SDK2: variants seen among roughly 807,000 people sequenced by gnomAD.
The protein encoded by SDK2 is sidekick cell adhesion molecule 2.
SDK2 carries 105 observed loss-of-function variants against 253.9 expected under a neutral mutation model. The ratio of observed to expected loss-of-function variants is 0.41; its 90% CI spans 0.35 to 0.49. SDK2 has a LOEUF of 0.49. SDK2 is among the 20% of genes least tolerant of loss of function. The pLI, the probability that SDK2 is intolerant of heterozygous loss-of-function variation, is 0.06. For synonymous variants in SDK2, 1,249 were observed against 1,234.9 expected, an observed-to-expected ratio of 1.01 and a Z score of -0.24; for missense variants, 2,608 against 3,003.0, an observed-to-expected ratio of 0.87 and a Z score of 3.07.
chr17:73,594,793 C>T (rs1422118367), intron 1 of SDK2, among the ~76,000 whole-genome samples: 8 of 151,742 alleles, frequency 5.3e-5, no homozygotes, highest in Non-Finnish European at 1.2e-4. Context: ...CACATATCCA[C>T]ACACAAATAC....
In SDK2 at chr17:73,361,757, C is replaced by T. The variant is rs778088866; in HGVS notation, c.5394G>A (p.Arg1798=). The T allele has an allele frequency of 2.5e-6, 4 of 1,613,674 alleles. No homozygotes were observed. Among genetic ancestry groups the T allele is most frequent in the Non-Finnish European group, 3.4e-6 (4 of 1,179,680 alleles). ...VKDLAEGVTY[R]FRIRAKTFTY... ...TGAAGGTCTTGGCTCTGATGCGGAA[C>T]CTGTAGGTCACCCCCTCCGCCAGGT... Residue 1798 remains arginine, a synonymous_variant, in exon 39 of 45, where the codon AGG becomes AGA. Transcript: ENST00000392650. The surrounding 1 kb of genome is among the most constrained non-coding windows in gnomAD (Gnocchi z 4.1).
At chr17:73,576,310 C>T (rs369440717) in intron 1 of SDK2, among the ~76,000 whole-genome samples, 2 of 151,790 alleles carry the variant, frequency 1.3e-5, no homozygotes, top group Non-Finnish European at 2.9e-5. Context: ...AAGGGAAAGG[C>T]GTCCCAAGGA....
rs1469466746 is a variant in SDK2, at chr17:73,430,577, C to T, written c.1517G>A (p.Ser506Asn). 4.4e-6 allele frequency: 7 copies of T among 1,591,000 alleles called. No individual in the cohort carries two copies. Among genetic ancestry groups the T allele is most frequent in the Non-Finnish European group, 6.0e-6 (7 of 1,168,416 alleles). The change falls in exon 12 of 45, where the codon AGT becomes AAT. Residue 506 changes from serine (S) to asparagine (N), a missense_variant. By Grantham distance (46) the Ser-to-Asn change is conservative. Around this residue, in one of 2 missense-constraint regions of SDK2, gnomAD observed 1,505 missense variants for 1,859.1 expected, o/e 0.81. Coordinates refer to ENST00000392650, the MANE Select transcript of SDK2 (RefSeq NM_001144952.2). The part of the protein sequence containing the change: ...TRITKPPQDQ[S>N]VIKGTQASMV... Reference sequence around the variant, plus strand: ...GGAGGCCTGGGTGCCCTTGATGACACTCTGATCCTGGGGGGGCTTGGTGAT... The same window carrying T: ...GGAGGCCTGGGTGCCCTTGATGACATTCTGATCCTGGGGGGGCTTGGTGAT...
intron 36 of SDK2, among the ~76,000 whole-genome samples, chr17:73,369,733 G>A (rs898799050): frequency 3.3e-5 from 5 of 151,954 alleles, no homozygotes; most frequent in Admixed American, 6.6e-5. Context: ...ATCTTGCTCC[G>A]CCTCACGGGT....
chr17:73,644,026 T>A lies in SDK2; in HGVS notation c.63A>T (p.Gln21His). The change falls in exon 1 of 45, where the codon CAA becomes CAT. Residue 21 changes from glutamine (Q) to histidine (H), a missense_variant and splice_region_variant. Gln to His is a conservative substitution (Grantham distance 24). Coordinates refer to ENST00000392650, the MANE Select transcript of SDK2 (RefSeq NM_001144952.2). This position sits in a 1 kb window ranked among gnomAD's most constrained non-coding sequence, Gnocchi z 6.3. ...CCCCACGTGGGGGTCCCTCCTTACC[T>A]TGGGCTCTGGCCGCGCGGATCTGAT... ...ALHQIRAARA[Q>H]DDVSPYFKTE... is the part of the protein sequence containing the mutation. 1 of 1,357,892 alleles carries A rather than the reference T, an allele frequency of 7.4e-7. No homozygotes were observed. The allele number at this position is 1,357,892 out of a possible 1,614,324, so 84.1% of individuals were successfully genotyped here.
intron 1 of SDK2, among the ~76,000 whole-genome samples, chr17:73,553,661 G>A (rs1018541790): frequency 2.6e-5 from 4 of 151,994 alleles, no homozygotes; most frequent in South Asian, 2.1e-4. Context: ...CTCCTTCCTC[G>A]GGCCTACACC....
intron 16 of SDK2, 143 bp downstream of exon 16, chr17:73,419,023 T>C: frequency 1.1e-6 from 1 of 878,096 alleles, no homozygotes. Context: ...TTCCTACCAC[T>C]GAGTAGGCAT....
intron 37 of SDK2, among the ~76,000 whole-genome samples, chr17:73,367,934 C>T (rs2062699478): frequency 2.0e-5 from 3 of 152,226 alleles, no homozygotes; most frequent in Admixed American, 2.0e-4. Flanking sequence ...GCATTTACTT[C>T]ATCAACTTGC....
chr17:73,634,550 A>G (rs992105831), intron 1 of SDK2, among the ~76,000 whole-genome samples: 2 of 152,226 alleles, frequency 1.3e-5, no homozygotes, highest in Non-Finnish European at 2.9e-5. Flanking sequence ...ACAGCTGATA[A>G]TAGCTTAATA....
chr17:73,444,733 A>G (rs1238376231), intron 5 of SDK2, among the ~76,000 whole-genome samples: 4 of 152,128 alleles, frequency 2.6e-5, no homozygotes, highest in African/African-American at 9.7e-5. Context: ...ACAGATGGGG[A>G]AACTGAGGCT....
At chr17:73,525,006 G>A (rs1015377342) in intron 1 of SDK2, among the ~76,000 whole-genome samples, 9 of 152,246 alleles carry the variant, frequency 5.9e-5, no homozygotes, top group African/African-American at 2.2e-4. Context: ...GCCGTGGATG[G>A]CTGTCCAAGA....
At position 73,349,909 on chromosome 17, in the gene SDK2, C is replaced by T. The variant is rs891614809; in HGVS notation, c.6038+328G>A. 8.5e-5 allele frequency among the ~76,000 whole-genome samples: 13 copies of T among 152,272 alleles called. 1 individual carries two copies. In the South Asian group the frequency reaches 1.2e-3, roughly 15 times the overall value. On this transcript the variant is annotated intron_variant, in intron 43 of 44. Transcript: ENST00000392650. ...TTCCCTGGCAGTTGGCTCCGAACAT[C>T]AGTAGGTTGGTTTGAAAAATTTTGC...
chr17:73,385,968 C>T lies in SDK2; in HGVS notation c.4499-51G>A, dbSNP rs540712584. 4.3e-6 allele frequency: 6 copies of T among 1,388,078 alleles called. No individual in the cohort carries two copies. The East Asian group carries it at 9.7e-5, about 22-fold the overall frequency. The allele number at this position is 1,388,078 out of a possible 1,614,324, so 86.0% of individuals were successfully genotyped here. Reference sequence around the variant, plus strand: ...TTCTGGGGGCCGCAGCTTCAAGTTCCCCAGGAGCCCACTGAGACCAGATTC... The same window carrying T: ...TTCTGGGGGCCGCAGCTTCAAGTTCTCCAGGAGCCCACTGAGACCAGATTC... On this transcript the variant is annotated intron_variant, in intron 31 of 44. Transcript: ENST00000392650.
At chr17:73,627,820 T>G (rs916061361) in intron 1 of SDK2, among the ~76,000 whole-genome samples, 1 of 152,032 alleles carries the variant, frequency 6.6e-6, no homozygotes, top group Non-Finnish European at 1.5e-5. Flanking sequence ...AGGCCGAGAT[T>G]GGGCGGATCA....
intron 44 of SDK2, among the ~76,000 whole-genome samples, chr17:73,346,144 T>G (rs1444987903): frequency 6.7e-6 from 1 of 150,206 alleles, no homozygotes; most frequent in Non-Finnish European, 1.5e-5. Flanking sequence ...AGGTGGAGGT[T>G]GCAGTGAGCT....
At chr17:73,505,693 T>G (rs552238951) in intron 2 of SDK2, among the ~76,000 whole-genome samples, 8 of 147,948 alleles carry the variant, frequency 5.4e-5, no homozygotes, top group Admixed American at 2.0e-4. Context: ...GACCTCATCA[T>G]CATCATCATC....
At position 73,350,734 on chromosome 17, in the gene SDK2, C is replaced by T. The variant is rs969004153; in HGVS notation, c.5815G>A (p.Val1939Ile). 2.5e-6 allele frequency: 4 copies of T among 1,613,194 alleles called. No homozygotes were observed. In the African/African-American group the frequency reaches 5.4e-5, roughly 22 times the overall value. ...AGAAGCAGGATGAAGATGAGGCCGA[C>T]CAGGGCAATGACCACCAAGAACCAC... ...EWWFLVVIAL[V>I]GLIFILLLVF... The change falls in exon 42 of 45, where the codon GTC (valine) becomes ATC (isoleucine). Residue 1939 changes from valine (V) to isoleucine (I), a missense_variant. By Grantham distance (29) the Val-to-Ile change is conservative (BLOSUM62 3). Coordinates refer to ENST00000392650, the MANE Select transcript of SDK2 (RefSeq NM_001144952.2).
chr17:73,563,281 T>C (rs1232646647), intron 1 of SDK2, among the ~76,000 whole-genome samples: 1 of 152,218 alleles, frequency 6.6e-6, no homozygotes. Context: ...TCACAACTTA[T>C]AAACATTTCT....
intron 1 of SDK2, among the ~76,000 whole-genome samples, chr17:73,553,441 C>T (rs548390045): frequency 1.3e-5 from 2 of 152,268 alleles, no homozygotes; most frequent in East Asian, 3.9e-4. Context: ...ACAAGTCCTG[C>T]CCAAAGTCAC....
Sources: allele counts gnomAD v4.1 joint callset (sites outside exome capture counted in the v4.1 genomes callset), GRCh38; gene constraint gnomAD v4.1.1; regional missense constraint gnomAD v4.1.1; non-coding constraint Gnocchi (gnomAD v3.1); transcripts MANE v1.5; gene names NCBI Gene and HGNC (gene_info 2026-07-23, HGNC 2026-07-21).